ACSL1: variants seen among roughly 807,000 people sequenced by gnomAD.
ACSL1 encodes the protein long-chain-fatty-acid--CoA ligase 1.
A neutral mutation model predicts 98.4 loss-of-function variants in ACSL1; 41 were observed. The observed-to-expected ratio is 0.42, with a 90% CI of 0.32 to 0.54. The LOEUF (loss-of-function observed/expected upper bound fraction) is 0.54. Ranked by LOEUF, ACSL1 falls within the 20% of genes least tolerant of loss-of-function variation. The pLI, the probability that ACSL1 is intolerant of heterozygous loss-of-function variation, is 0.13. For missense variants in ACSL1, 734 were observed against 883.1 expected (o/e 0.83, Z 2.14); for synonymous variants, 316 against 322.7 (o/e 0.98, Z 0.22).
chr4:184,814,128 A>G (rs1579965483), intron 1 of ACSL1, among the ~76,000 whole-genome samples: 1 of 152,106 alleles, frequency 6.6e-6, no homozygotes, highest in African/African-American at 2.4e-5. Flanking sequence ...GTCTCTACTA[A>G]AAATACAAAA....
rs187378864 is a variant in ACSL1, at chr4:184,769,683, C to T, written c.993+716G>A. Among the ~76,000 whole-genome samples the T allele has an allele frequency of 1.5e-3, 224 of 152,306 alleles. 4 individuals carry two copies. The highest frequency in any genetic ancestry group is 4.5e-3 in the African/African-American group (186 of 41,574). ...ACAGGGCAGCTGTCATCCAAAGCAT[C>T]GGCTGATAGTCACCTCTGTCTCCAA... is the stretch of plus-strand genomic sequence containing the variant. On this transcript the variant is annotated intron_variant, in intron 11 of 20. Coordinates refer to ENST00000281455, the MANE Select transcript of ACSL1 (RefSeq NM_001995.5).
At chr4:184,823,993 C>T (rs1773263253) in intron 1 of ACSL1, among the ~76,000 whole-genome samples, 1 of 152,120 alleles carries the variant, frequency 6.6e-6, no homozygotes. Context: ...CTCCTAAATA[C>T]CAAAAACTTA....
At chr4:184,774,380 T>G (rs1197474792) in intron 7 of ACSL1, among the ~76,000 whole-genome samples, 1 of 152,156 alleles carries the variant, frequency 6.6e-6, no homozygotes, top group African/African-American at 2.4e-5. Flanking sequence ...TGCTAGGCAT[T>G]TTGGAGAGGC....
intron 5 of ACSL1, among the ~76,000 whole-genome samples, chr4:184,778,728 T>C (rs748162507): frequency 4.6e-5 from 7 of 152,158 alleles, no homozygotes; most frequent in Non-Finnish European, 7.3e-5. Flanking sequence ...CAGCAAACAT[T>C]TGTTGAATGA....
In ACSL1 at chr4:184,771,538, G is replaced by C. The variant is rs973387205; in HGVS notation, c.916-1062C>G. On this transcript the variant is annotated intron_variant, in intron 10 of 20. Coordinates refer to ENST00000281455, the MANE Select transcript of ACSL1 (RefSeq NM_001995.5). Reference sequence around the variant, plus strand: ...TGCTCTCCTATAAAATGCTGATCATGATGGGTCCACAGACAGATTAAGTTT... The same window carrying C: ...TGCTCTCCTATAAAATGCTGATCATCATGGGTCCACAGACAGATTAAGTTT... Among the ~76,000 whole-genome samples the C allele has an allele frequency of 4.6e-5, 7 of 152,192 alleles. 1 individual carries two copies. The highest frequency in any genetic ancestry group is 1.3e-4 in the Admixed American group (2 of 15,274).
At chr4:184,758,924 C>T (rs1282599219) in intron 18 of ACSL1, 3 of 129,408 alleles carry the variant, frequency 2.3e-5, no homozygotes, top group Admixed American at 8.5e-5. Flanking sequence ...AACAGGCCCT[C>T]GTGTGTGATG....
chr4:184,822,636 G>A (rs760564534), intron 1 of ACSL1, among the ~76,000 whole-genome samples: 1 of 152,162 alleles, frequency 6.6e-6, no homozygotes, highest in Non-Finnish European at 1.5e-5. Context: ...CTACTGGAGA[G>A]GCTGAAGTGG....
At chr4:184,802,068 C>T (rs966568890) in intron 2 of ACSL1, among the ~76,000 whole-genome samples, 1 of 152,242 alleles carries the variant, frequency 6.6e-6, no homozygotes, top group Non-Finnish European at 1.5e-5. Flanking sequence ...GGAGATTCCA[C>T]TCATTCCCCA....
In ACSL1 at chr4:184,773,576, G is replaced by C; in HGVS notation, c.841+87C>G. On this transcript the variant is annotated intron_variant, in intron 9 of 20. Transcript: ENST00000281455. The surrounding 1 kb of genome is among the most constrained non-coding windows in gnomAD (Gnocchi z 4.3). Reference sequence around the variant, plus strand: ...CTCTTCTGCTTTTGGTCCGTCTACTGTTAGCTGATAAGTCATCCAAAAGAG... The same window carrying C: ...CTCTTCTGCTTTTGGTCCGTCTACTCTTAGCTGATAAGTCATCCAAAAGAG... 1 of 1,296,318 alleles carries C rather than the reference G, an allele frequency of 7.7e-7. No individual in the cohort carries two copies. The highest frequency in any genetic ancestry group is 1.4e-5 in the South Asian group (1 of 73,406). The allele number at this position is 1,296,318 out of a possible 1,614,324, so 80.3% of individuals were successfully genotyped here.
At chr4:184,794,402 G>C (rs1008663910) in intron 2 of ACSL1, among the ~76,000 whole-genome samples, 2 of 152,180 alleles carry the variant, frequency 1.3e-5, no homozygotes, top group African/African-American at 2.4e-5. Context: ...CCCCAATACA[G>C]TGAACTGTAA....
At chr4:184,781,616 T>C (rs1299230909) in intron 4 of ACSL1, among the ~76,000 whole-genome samples, 1 of 152,164 alleles carries the variant, frequency 6.6e-6, no homozygotes, top group Non-Finnish European at 1.5e-5. Context: ...TCTTTCTTTT[T>C]TTTTCTTTTT....
In ACSL1 at chr4:184,766,774, G is replaced by C; in HGVS notation, c.1129-18C>G. On this transcript the variant is annotated intron_variant, in intron 12 of 20. Transcript: ENST00000281455. This position sits in a 1 kb window ranked among gnomAD's most constrained non-coding sequence, Gnocchi z 4.8. ...CCGAAAATCTAATGAGGCAAGACAT[G>C]AGAAAGTTTTCACACCTACTAGGAT... The C allele has an allele frequency of 6.2e-7, 1 of 1,605,504 alleles. No homozygotes were observed. Among genetic ancestry groups the C allele is most frequent in the South Asian group, 1.1e-5 (1 of 90,728 alleles).
At chr4:184,800,058 T>C (rs572023255) in intron 2 of ACSL1, among the ~76,000 whole-genome samples, 18 of 152,362 alleles carry the variant, frequency 1.2e-4, no homozygotes, top group African/African-American at 4.3e-4. Context: ...GATATAATTT[T>C]ACCTCTTTGG....
intron 4 of ACSL1, among the ~76,000 whole-genome samples, chr4:184,782,346 T>C (rs1267958492): frequency 6.6e-6 from 1 of 151,010 alleles, no homozygotes; most frequent in Non-Finnish European, 1.5e-5. Flanking sequence ...AAAAAAAAGA[T>C]TTGAATGTAC....
intron 3 of ACSL1, among the ~76,000 whole-genome samples, chr4:184,785,403 C>A (rs1767042764): frequency 6.6e-6 from 1 of 152,110 alleles, no homozygotes; most frequent in African/African-American, 2.4e-5. Context: ...CACTGAGAAG[C>A]AGGGAGCTCA....
At chr4:184,818,548 G>A (rs900190595) in intron 1 of ACSL1, among the ~76,000 whole-genome samples, 1 of 152,098 alleles carries the variant, frequency 6.6e-6, no homozygotes, top group African/African-American at 2.4e-5. Context: ...ATTCTTGTTA[G>A]GGACCACCTT....
intron 11 of ACSL1, among the ~76,000 whole-genome samples, chr4:184,769,867 G>A (rs867871481): frequency 1.3e-5 from 2 of 152,204 alleles, no homozygotes; most frequent in African/African-American, 4.8e-5. Flanking sequence ...TGATTACAGG[G>A]AGCCTAGGCA....
chr4:184,773,902 A>G lies in ACSL1; in HGVS notation c.757-27T>C. The G allele has an allele frequency of 6.2e-7, 1 of 1,613,608 alleles. No homozygotes were observed. The highest frequency in any genetic ancestry group is 8.5e-7 in the Non-Finnish European group (1 of 1,179,716). On this transcript the variant is annotated intron_variant, in intron 7 of 20. Transcript: ENST00000281455. The surrounding 1 kb of genome is among the most constrained non-coding windows in gnomAD (Gnocchi z 4.3). ...TTAATTAGAAGAGAAAAAAAGTCTT[A>G]AATGGAAACGTTTTCTAACTGTAAA...
chr4:184,810,531 G>C (rs764471008), intron 1 of ACSL1, among the ~76,000 whole-genome samples: 6 of 152,144 alleles, frequency 3.9e-5, no homozygotes, highest in Non-Finnish European at 8.8e-5. Context: ...ATTCTGACAG[G>C]GAGCATTTGC....
Sources: gnomAD v4.1 joint callset for allele counts (sites outside exome capture counted in the v4.1 genomes callset) on GRCh38, gnomAD v4.1.1 for gene constraint, Gnocchi (gnomAD v3.1) non-coding constraint, MANE v1.5 for transcripts, NCBI Gene and HGNC (gene_info 2026-07-23, HGNC 2026-07-21) for gene names.